NT5DC1: variants seen among roughly 807,000 people sequenced by gnomAD.
The protein encoded by NT5DC1 is 5'-nucleotidase domain-containing protein 1.
In NT5DC1, 42 loss-of-function variants were observed where a neutral mutation model predicts 59.4. The ratio of observed to expected loss-of-function variants is 0.71; its 90% CI spans 0.55 to 0.92. NT5DC1 has a LOEUF of 0.92. Ranked by LOEUF, NT5DC1 falls within the 40% of genes least tolerant of loss-of-function variation. The pLI is 0.00. For missense variants in NT5DC1, 501 were observed against 537.1 expected (o/e 0.93, Z 0.66); for synonymous variants, 172 against 188.1 (o/e 0.91, Z 0.70).
intron 6 of NT5DC1, among the ~76,000 whole-genome samples, chr6:116,153,700 A>G (rs942791425): frequency 5.3e-5 from 8 of 152,260 alleles, no homozygotes; most frequent in African/African-American, 1.9e-4. Context: ...TTTCACTGGC[A>G]ACAGACAGTT....
At chr6:116,180,606 C>T (rs547734851) in intron 6 of NT5DC1, among the ~76,000 whole-genome samples, 23 of 152,150 alleles carry the variant, frequency 1.5e-4, no homozygotes, top group Admixed American at 5.9e-4. Flanking sequence ...ATAAGAAATA[C>T]ATTCTCTATA....
chr6:116,115,370 T>G lies in NT5DC1; in HGVS notation c.365-321T>G, dbSNP rs188399435. On this transcript the variant is annotated intron_variant, in intron 4 of 11. Transcript: ENST00000319550. ...TTGTTTTGAAATTCAGTGACATAGA[T>G]AACATCATATGGCTTTTTCATATTC... 2.6e-3 allele frequency among the ~76,000 whole-genome samples: 399 copies of G among 152,372 alleles called. 10 individuals are homozygous for G. In the South Asian group the frequency reaches 0.044, roughly 17 times the overall value.
intron 6 of NT5DC1, among the ~76,000 whole-genome samples, chr6:116,197,107 A>C (rs977855175): frequency 1.3e-5 from 2 of 151,028 alleles, no homozygotes; most frequent in Admixed American, 6.6e-5. Flanking sequence ...GTCCACCCCC[A>C]CCTCCTTTCT....
intron 6 of NT5DC1, among the ~76,000 whole-genome samples, chr6:116,201,538 A>G (rs1781346360): frequency 1.3e-5 from 2 of 152,156 alleles, no homozygotes; most frequent in South Asian, 2.1e-4. Flanking sequence ...TGAGAACTTC[A>G]GTGAGGTGAG....
chr6:116,191,944 A>G (rs1781127450), intron 6 of NT5DC1, among the ~76,000 whole-genome samples: 2 of 152,044 alleles, frequency 1.3e-5, no homozygotes, highest in Admixed American at 6.6e-5. Flanking sequence ...ATTGATTGCC[A>G]TGATTTTTTG....
At chr6:116,120,888 C>G (rs756194166) in intron 6 of NT5DC1, 2 of 1,614,006 alleles carry the variant, frequency 1.2e-6, no homozygotes, top group East Asian at 4.5e-5. Context: ...CCAGGATCAC[C>G]TTTTGGACCT....
intron 11 of NT5DC1, among the ~76,000 whole-genome samples, chr6:116,242,327 C>T (rs973421198): frequency 6.6e-6 from 1 of 151,934 alleles, no homozygotes; most frequent in Admixed American, 6.6e-5. Context: ...GGCAACAGAG[C>T]AAGACTCTTG....
rs147162018 is a variant in NT5DC1, at chr6:116,105,479, T to G, written c.94-765T>G. 2.6e-3 allele frequency among the ~76,000 whole-genome samples: 389 copies of G among 152,308 alleles called. 10 individuals carry two copies. The South Asian group carries it at 0.044, about 17-fold the overall frequency. On this transcript the variant is annotated intron_variant, in intron 1 of 11. Transcript: ENST00000319550. ...ACAACTGTTCTGCTCAGGCTCAAGT[T>G]TACCCAACACTGGCCAAAGAACACT...
intron 3 of NT5DC1, chr6:116,110,613 C>T: frequency 1.7e-6 from 1 of 602,008 alleles, no homozygotes; most frequent in Non-Finnish European, 3.0e-6. Flanking sequence ...CAGTGTTGAC[C>T]TCAGAGTGAG....
intron 9 of NT5DC1, among the ~76,000 whole-genome samples, chr6:116,237,897 A>T (rs189477596): frequency 1.8e-4 from 27 of 152,338 alleles, no homozygotes; most frequent in African/African-American, 6.5e-4. Context: ...CTATGTAAAC[A>T]TATAGGTTCA....
chr6:116,149,691 G>A (rs1266644896), intron 6 of NT5DC1, among the ~76,000 whole-genome samples: 1 of 152,226 alleles, frequency 6.6e-6, no homozygotes, highest in Non-Finnish European at 1.5e-5. Flanking sequence ...TGAACTTAGT[G>A]TTGATGCACC....
At chr6:116,195,787 A>G (rs1026603686) in intron 6 of NT5DC1, among the ~76,000 whole-genome samples, 21 of 152,068 alleles carry the variant, frequency 1.4e-4, no homozygotes, top group Non-Finnish European at 2.9e-5. Context: ...AAGCAAATTT[A>G]ATGTGCACAG....
chr6:116,178,094 C>T (rs112983773), intron 6 of NT5DC1, among the ~76,000 whole-genome samples: 9,837 of 92,704 alleles, frequency 0.11, 407 homozygotes, highest in Middle Eastern at 0.17. Context: ...TGTGTGCGCG[C>T]GCGCGCGCGT....
intron 8 of NT5DC1, among the ~76,000 whole-genome samples, chr6:116,235,652 C>G (rs1273643343): frequency 6.6e-6 from 1 of 152,148 alleles, no homozygotes; most frequent in African/African-American, 2.4e-5. Flanking sequence ...TTATAATGAT[C>G]AAACTTTAAT....
intron 6 of NT5DC1, among the ~76,000 whole-genome samples, chr6:116,128,113 CTTCT>C (rs1234674170): frequency 6.6e-6 from 1 of 152,070 alleles, no homozygotes; most frequent in Non-Finnish European, 1.5e-5. Flanking sequence ...GGTTGTATGT[CTTCT>C]TTTAGGGATA....
At chr6:116,101,340 A>C (rs1778647699) in intron 1 of NT5DC1, among the ~76,000 whole-genome samples, 1 of 152,154 alleles carries the variant, frequency 6.6e-6, no homozygotes, top group Non-Finnish European at 1.5e-5. Flanking sequence ...GGGCGGGGTC[A>C]GGGGGACTAG....
chr6:116,225,330 T>C (rs114370341), intron 8 of NT5DC1, among the ~76,000 whole-genome samples: 2,180 of 152,274 alleles, frequency 0.014, 66 homozygotes, highest in African/African-American at 0.05. Flanking sequence ...AGCTCATAGA[T>C]AGGTATTTGA....
At position 116,246,805 on chromosome 6, in the gene NT5DC1, C is replaced by G. The variant is rs544236476; in HGVS notation, c.*2781C>G. ...TCACCCAGTATGGTCTTATTGCCAC[C>G]CTTGAAAATCCCTGGGCATGGTCCA... On this transcript the variant is annotated 3_prime_UTR_variant, in exon 12 of 12. Transcript: ENST00000319550. 6.6e-6 allele frequency: 1 copy of G among 152,216 alleles called. No individual in the cohort carries two copies. The highest frequency in any genetic ancestry group is 2.1e-4 in the South Asian group (1 of 4,814). 9.4% of individuals were successfully genotyped at this position (152,216 alleles called of 1,614,324 possible).
chr6:116,178,088 TGCGCGCGCGCGCGCGTGCGTGC>T (rs1176465714), intron 6 of NT5DC1, among the ~76,000 whole-genome samples: 1 of 99,652 alleles, frequency 1.0e-5, no homozygotes, highest in Non-Finnish European at 2.1e-5. Context: ...TGTGTGTGTG[TGCGCGCGCGCGCGCGTGCGTGC>T]GTGTGTGTGT....
Sources: gnomAD v4.1 joint callset for allele counts (sites outside exome capture counted in the v4.1 genomes callset) on GRCh38, gnomAD v4.1.1 for gene constraint, MANE v1.5 for transcripts, NCBI Gene and HGNC (gene_info 2026-07-23, HGNC 2026-07-21) for gene names.